CSTPP1: variants seen among roughly 807,000 people sequenced by gnomAD.
CSTPP1 encodes the protein UPF0705 protein C11orf49.
chr11:46,982,285 G>A, the CSTPP1 span, among the ~76,000 whole-genome samples: 9 of 151,956 alleles, frequency 5.9e-5, no homozygotes, highest in Non-Finnish European at 1.0e-4. Flanking sequence ...TCTGGCAAGG[G>A]GGGAAAAAGT....
the CSTPP1 span, among the ~76,000 whole-genome samples, chr11:46,967,060 A>G: frequency 6.6e-6 from 1 of 152,164 alleles, no homozygotes; most frequent in African/African-American, 2.4e-5. Context: ...AAATTTTGAT[A>G]AAGTGTAACA....
chr11:46,950,402 T>C, the CSTPP1 span, among the ~76,000 whole-genome samples: 1 of 151,224 alleles, frequency 6.6e-6, no homozygotes, highest in African/African-American at 2.4e-5. Flanking sequence ...CTCGATCTCC[T>C]GACCTTGTGA....
At chr11:46,955,491 A>G in the CSTPP1 span, among the ~76,000 whole-genome samples, 2 of 151,852 alleles carry the variant, frequency 1.3e-5, no homozygotes, top group African/African-American at 2.4e-5. Context: ...AGCCTCCTGA[A>G]TAGCCGGGAC....
the CSTPP1 span, among the ~76,000 whole-genome samples, chr11:47,095,085 T>A: frequency 6.6e-5 from 10 of 152,160 alleles, no homozygotes; most frequent in African/African-American, 2.2e-4. Flanking sequence ...TGAGGGGAAA[T>A]GGCCTAGCAA....
the CSTPP1 span, among the ~76,000 whole-genome samples, chr11:46,942,539 A>G: frequency 6.6e-6 from 1 of 152,162 alleles, no homozygotes; most frequent in Non-Finnish European, 1.5e-5. Flanking sequence ...GCTTATTCTC[A>G]CTACGGTTGA....
At chr11:46,946,527 A>G in the CSTPP1 span, among the ~76,000 whole-genome samples, 1 of 152,164 alleles carries the variant, frequency 6.6e-6, no homozygotes, top group Non-Finnish European at 1.5e-5. Context: ...GCGTGGTGGC[A>G]GGCGCCTGTA....
the CSTPP1 span, chr11:47,155,128 T>C: frequency 2.9e-6 from 4 of 1,359,678 alleles, no homozygotes; most frequent in Non-Finnish European, 4.1e-6. Flanking sequence ...CTCCCCTCCT[T>C]AAACCTCTCC....
the CSTPP1 span, among the ~76,000 whole-genome samples, chr11:47,086,667 G>A: frequency 4.6e-5 from 7 of 152,062 alleles, no homozygotes; most frequent in Admixed American, 2.0e-4. Flanking sequence ...AATGATGTTA[G>A]GCAAGTTATT....
At chr11:47,129,470 A>G in the CSTPP1 span, among the ~76,000 whole-genome samples, 1 of 152,050 alleles carries the variant, frequency 6.6e-6, no homozygotes, top group Non-Finnish European at 1.5e-5. Flanking sequence ...TCCTTCCACA[A>G]TGCATACGGC....
the CSTPP1 span, among the ~76,000 whole-genome samples, chr11:47,135,974 T>C: frequency 7.0e-6 from 1 of 142,876 alleles, no homozygotes; most frequent in Non-Finnish European, 1.5e-5. Context: ...CTTAATTAAG[T>C]AACTCTCTCT....
the CSTPP1 span, among the ~76,000 whole-genome samples, chr11:47,083,337 G>T: frequency 6.6e-6 from 1 of 152,038 alleles, no homozygotes; most frequent in African/African-American, 2.4e-5. Context: ...ACCACATTTT[G>T]TCTATCCATT....
the CSTPP1 span, among the ~76,000 whole-genome samples, chr11:46,994,184 T>C: frequency 6.6e-6 from 1 of 152,172 alleles, no homozygotes; most frequent in African/African-American, 2.4e-5. Flanking sequence ...TGGGCTGAGA[T>C]GATGGGGTTT....
the CSTPP1 span, among the ~76,000 whole-genome samples, chr11:47,078,316 C>T: frequency 0.061 from 9,219 of 152,070 alleles, 367 homozygotes; most frequent in Middle Eastern, 0.092. Context: ...ACGGAAGCAA[C>T]GTTGAAGGAG....
the CSTPP1 span, among the ~76,000 whole-genome samples, chr11:46,957,162 T>A: frequency 1.3e-5 from 2 of 152,152 alleles, no homozygotes; most frequent in African/African-American, 4.8e-5. Flanking sequence ...TTTTCTGAAG[T>A]ACTTCTTCAT....
At chr11:47,038,096 CG>C in the CSTPP1 span, among the ~76,000 whole-genome samples, 421 of 71,352 alleles carry the variant, frequency 5.9e-3, 40 homozygotes, top group Non-Finnish European at 9.8e-3. Flanking sequence ...GCTGGCCGGG[CG>C]GGGGGCTGAC....
At chr11:47,101,958 A>G in the CSTPP1 span, among the ~76,000 whole-genome samples, 5 of 152,196 alleles carry the variant, frequency 3.3e-5, no homozygotes, top group South Asian at 1.0e-3. Context: ...ACCTCTCAAT[A>G]TGATCATTTC....
At chr11:46,974,630 C>T in the CSTPP1 span, among the ~76,000 whole-genome samples, 21 of 151,822 alleles carry the variant, frequency 1.4e-4, no homozygotes, top group Admixed American at 1.2e-3. Flanking sequence ...CACTTGAGAT[C>T]AGGAGTTTGA....
chr11:47,138,618 T>C, the CSTPP1 span, among the ~76,000 whole-genome samples: 4 of 152,220 alleles, frequency 2.6e-5, no homozygotes, highest in South Asian at 8.3e-4. Context: ...TTCACCATCA[T>C]TCACAATTTT....
the CSTPP1 span, chr11:47,157,101 C>T: frequency 6.9e-5 from 111 of 1,614,050 alleles, no homozygotes; most frequent in African/African-American, 9.3e-5. Flanking sequence ...GTGCCGACGT[C>T]GTCCAGTGGG....
Sources: allele counts gnomAD v4.1 joint callset (sites outside exome capture counted in the v4.1 genomes callset), GRCh38; gene constraint gnomAD v4.1.1; transcripts MANE v1.5; gene names NCBI Gene and HGNC (gene_info 2026-07-23, HGNC 2026-07-21).